Variants in SEMA6D observed in about 807,000 individuals in gnomAD.
The protein encoded by SEMA6D is semaphorin 6D, also known as semaphorin-6D.
SEMA6D carries 35 observed loss-of-function variants against 106.6 expected under a neutral mutation model. The observed-to-expected ratio is 0.33, with a 90% confidence interval of 0.25 to 0.44. The LOEUF (loss-of-function observed/expected upper bound fraction) is 0.44, where lower values mean the gene tolerates loss of function less well. Ranked by LOEUF, SEMA6D falls within the 20% of genes least tolerant of loss-of-function variation. The pLI is 1.00. For synonymous variants in SEMA6D, 499 were observed against 487.7 expected, an observed-to-expected ratio of 1.02 and a Z score of -0.31; for missense variants, 1,185 against 1,345.9, an observed-to-expected ratio of 0.88 and a Z score of 1.87.
At chr15:47,631,970 A>G (rs1471153281) in intron 4 of SEMA6D, among the ~76,000 whole-genome samples, 2 of 151,816 alleles carry the variant, frequency 1.3e-5, no homozygotes, top group African/African-American at 2.4e-5. Context: ...ACATAATTTG[A>G]TATGTTGTAT....
chr15:47,667,112 C>A (rs1291215294), intron 4 of SEMA6D, among the ~76,000 whole-genome samples: 1 of 152,200 alleles, frequency 6.6e-6, no homozygotes, highest in African/African-American at 2.4e-5. Context: ...GCACCAGAAA[C>A]CACAGAGCAC....
At chr15:47,630,997 G>C (rs1051010630) in intron 4 of SEMA6D, among the ~76,000 whole-genome samples, 3 of 151,696 alleles carry the variant, frequency 2.0e-5, no homozygotes, top group African/African-American at 7.3e-5. Flanking sequence ...GATTTGATTT[G>C]TTAAAATATT....
In SEMA6D at chr15:47,762,132, C is replaced by T. The variant is rs866552248; in HGVS notation, c.539-68C>T. 92 of 1,588,770 alleles carry T rather than the reference C, an allele frequency of 5.8e-5. No individual in the cohort carries two copies. In the African/African-American group the frequency reaches 6.7e-4, roughly 12 times the overall value. Reference sequence around the variant, plus strand: ...TGAGAGCGCTCCAAAGGGCATAACACGCTGCCAAAGCTAACACACTGCAGG... The same window carrying T: ...TGAGAGCGCTCCAAAGGGCATAACATGCTGCCAAAGCTAACACACTGCAGG... On this transcript the variant is annotated intron_variant, in intron 7 of 18. Transcript: ENST00000536845.
chr15:47,489,118 G>A (rs2043385946), intron 3 of SEMA6D, among the ~76,000 whole-genome samples: 1 of 152,126 alleles, frequency 6.6e-6, no homozygotes, highest in South Asian at 2.1e-4. Context: ...AATGAGAAGT[G>A]TCCTTATAAA....
intron 2 of SEMA6D, among the ~76,000 whole-genome samples, chr15:47,446,765 T>C (rs2042041050): frequency 6.6e-6 from 1 of 152,114 alleles, no homozygotes; most frequent in African/African-American, 2.4e-5. Context: ...AAACAGAGCA[T>C]CACCTACCTT....
chr15:47,354,191 CTCTCTCTCTATATATA>C (rs1278186364), intron 1 of SEMA6D, among the ~76,000 whole-genome samples: 5 of 109,360 alleles, frequency 4.6e-5, no homozygotes, highest in African/African-American at 3.7e-4. Flanking sequence ...CTCTCTCTCT[CTCTCTCTCTATATATA>C]TATATATATA....
chr15:47,392,213 T>C (rs1306507487), intron 1 of SEMA6D, among the ~76,000 whole-genome samples: 2 of 152,168 alleles, frequency 1.3e-5, no homozygotes, highest in Non-Finnish European at 2.9e-5. Flanking sequence ...ACTAGTACCA[T>C]TCTAGTTGCA....
At chr15:47,670,011 T>C (rs979574050) in intron 4 of SEMA6D, among the ~76,000 whole-genome samples, 65 of 152,366 alleles carry the variant, frequency 4.3e-4, no homozygotes, top group Non-Finnish European at 3.5e-4. Flanking sequence ...CTGTCATTCC[T>C]CGCCTGTGGA....
intron 3 of SEMA6D, among the ~76,000 whole-genome samples, chr15:47,502,693 A>G (rs541130836): frequency 2.0e-5 from 3 of 152,164 alleles, no homozygotes; most frequent in Admixed American, 1.3e-4. Flanking sequence ...AAATTTTCAA[A>G]CTCATTTAGA....
At chr15:47,306,881 A>G (rs974525622) in intron 1 of SEMA6D, among the ~76,000 whole-genome samples, 8 of 152,214 alleles carry the variant, frequency 5.3e-5, no homozygotes, top group African/African-American at 1.9e-4. Context: ...CAATATAGGT[A>G]TGTGTATCTT....
At chr15:47,746,939 G>A (rs537321481) in intron 1 of SEMA6D, among the ~76,000 whole-genome samples, 42 of 147,256 alleles carry the variant, frequency 2.9e-4, no homozygotes, top group Non-Finnish European at 5.1e-4. Flanking sequence ...AAGGAGACAC[G>A]ATTGTTCATT....
chr15:47,464,757 C>T (rs1329763857), intron 2 of SEMA6D, among the ~76,000 whole-genome samples: 2 of 152,188 alleles, frequency 1.3e-5, no homozygotes, highest in East Asian at 1.9e-4. Flanking sequence ...ATTTAAATAC[C>T]TCTTAATGGA....
chr15:47,300,006 A>G (rs2142987961), intron 1 of SEMA6D, among the ~76,000 whole-genome samples: 1 of 152,348 alleles, frequency 6.6e-6, no homozygotes, highest in South Asian at 2.1e-4. Context: ...ACATTAACAG[A>G]TTAGCATAAA....
At position 47,764,276 on chromosome 15, in the gene SEMA6D, A is replaced by G. The variant is rs374563017; in HGVS notation, c.1068A>G (p.Ala356=). ...AAACTCCAGATTCTGTTTGGACAGC[A>G]GTTCCCGAAGACAAAGTGCCAAAGC... ...EQKTPDSVWT[A]VPEDKVPKPR... The change falls in exon 11 of 19, where the codon GCA becomes GCG. Residue 356 remains alanine (A), a synonymous_variant. Transcript: ENST00000536845. 28 of 1,613,550 alleles carry G rather than the reference A, an allele frequency of 1.7e-5. No individual in the cohort carries two copies. The highest frequency in any genetic ancestry group is 2.4e-5 in the Non-Finnish European group (28 of 1,179,728).
intron 4 of SEMA6D, among the ~76,000 whole-genome samples, chr15:47,644,681 C>G (rs1452205114): frequency 6.6e-6 from 1 of 152,178 alleles, no homozygotes; most frequent in Non-Finnish European, 1.5e-5. Flanking sequence ...CAAATGCCAG[C>G]ACCTTGATCT....
At chr15:47,576,876 C>G (rs1368880774) in intron 3 of SEMA6D, among the ~76,000 whole-genome samples, 3 of 152,136 alleles carry the variant, frequency 2.0e-5, no homozygotes, top group African/African-American at 7.2e-5. Context: ...TAGATGTTTC[C>G]TTTTGTTCTT....
chr15:47,506,451 G>A (rs1218847125), intron 3 of SEMA6D, among the ~76,000 whole-genome samples: 2 of 152,120 alleles, frequency 1.3e-5, no homozygotes, highest in Non-Finnish European at 2.9e-5. Flanking sequence ...CTTAAATACA[G>A]AACTTGGCAG....
chr15:47,457,879 AG>A (rs1372804861), intron 2 of SEMA6D, among the ~76,000 whole-genome samples: 4 of 151,974 alleles, frequency 2.6e-5, no homozygotes. Context: ...AGTGATAAAC[AG>A]AAAACCTTAA....
At chr15:47,676,674 G>A (rs985851616) in intron 4 of SEMA6D, among the ~76,000 whole-genome samples, 2 of 152,198 alleles carry the variant, frequency 1.3e-5, no homozygotes, top group Non-Finnish European at 2.9e-5. Context: ...AAGAAATAGT[G>A]TGAACCCGAG....
Sources: allele counts gnomAD v4.1 joint callset (sites outside exome capture counted in the v4.1 genomes callset), GRCh38; gene constraint gnomAD v4.1.1; transcripts MANE v1.5; gene names NCBI Gene and HGNC (gene_info 2026-07-23, HGNC 2026-07-21).